The following ETNK1 variants were observed in gnomAD, a reference collection of about 807,000 sequenced individuals.
ETNK1 encodes putative protein product of Nbla10396.
Under a neutral mutation model 45.1 loss-of-function variants are expected in ETNK1, and 8 were observed. That is an observed-to-expected ratio of 0.18 (90% CI 0.10 to 0.32). ETNK1 has a LOEUF of 0.32. Ranked by LOEUF, ETNK1 falls within the 10% of genes least tolerant of loss-of-function variation. The pLI, the probability that ETNK1 is intolerant of heterozygous loss-of-function variation, is 1.00. For synonymous variants in ETNK1, 152 were observed against 151.9 expected (o/e 1.00, Z -0.01); for missense variants, 302 against 430.6 (o/e 0.70, Z 2.64).
rs933683012 is a variant in ETNK1, at chr12:22,689,418, C to G, written c.*4464C>G. On this transcript the variant is annotated 3_prime_UTR_variant, in exon 8 of 8. Coordinates refer to ENST00000266517, the MANE Select transcript of ETNK1 (RefSeq NM_018638.5). ...TCTGTATTCATTGTGAATCCTGTAG[C>G]TTTTCTAGTTAACAAAAAATCGCTT... 5.9e-5 allele frequency: 9 copies of G among 151,910 alleles called. No homozygotes were observed. The highest frequency in any genetic ancestry group is 2.2e-4 in the African/African-American group (9 of 41,416). 9.4% of individuals were successfully genotyped at this position (151,910 alleles called of 1,614,324 possible). A position where few individuals can be genotyped will look rare whatever the true frequency, so the allele number is the denominator to read the frequency against.
chr12:22,648,228 A>C (rs1006793703), intron 2 of ETNK1, among the ~76,000 whole-genome samples: 21 of 151,838 alleles, frequency 1.4e-4, no homozygotes, highest in African/African-American at 5.1e-4. Flanking sequence ...TTATCACCCA[A>C]AGTCCACAGT....
intron 1 of ETNK1, among the ~76,000 whole-genome samples, chr12:22,629,614 A>C (rs913952959): frequency 6.6e-6 from 1 of 152,192 alleles, no homozygotes; most frequent in Non-Finnish European, 1.5e-5. Context: ...TTATGTCTCC[A>C]CTAGTGTTCT....
chr12:22,632,273 TATC>T (rs970384519), intron 1 of ETNK1, among the ~76,000 whole-genome samples: 9 of 152,082 alleles, frequency 5.9e-5, no homozygotes, highest in Non-Finnish European at 1.0e-4. Flanking sequence ...ATCAATTTCC[TATC>T]ATCAATATTC....
intron 5 of ETNK1, among the ~76,000 whole-genome samples, 182 bp downstream of exon 5, chr12:22,671,537 G>A (rs1313000457): frequency 6.6e-6 from 1 of 151,976 alleles, no homozygotes; most frequent in African/African-American, 2.4e-5. Context: ...TTCCTTAATT[G>A]CTATCAGAAA....
At chr12:22,644,504 A>G (rs995682523) in intron 2 of ETNK1, 3 of 571,416 alleles carry the variant, frequency 5.3e-6, no homozygotes, top group African/African-American at 3.9e-5. Context: ...TCATTTTTCC[A>G]AAATTGCCAG....
chr12:22,658,897 G>T, intron 2 of ETNK1, 117 bp from the exon 3 acceptor site: 1 of 1,027,408 alleles, frequency 9.7e-7, no homozygotes, highest in Non-Finnish European at 1.4e-6. Flanking sequence ...AGAGAGCACA[G>T]GTAGGTCTAC....
intron 1 of ETNK1, among the ~76,000 whole-genome samples, chr12:22,635,216 T>C (rs562435880): frequency 5.9e-5 from 9 of 152,366 alleles, no homozygotes; most frequent in African/African-American, 2.2e-4. Context: ...ACACTCAGTG[T>C]GTCCTCCTTT....
At chr12:22,656,882 T>C (rs1462175301) in intron 2 of ETNK1, 28 of 859,494 alleles carry the variant, frequency 3.3e-5, no homozygotes, top group African/African-American at 1.1e-4. Flanking sequence ...AGATATAATA[T>C]TCTGTTGACA....
At chr12:22,651,850 C>T (rs73080483) in intron 2 of ETNK1, among the ~76,000 whole-genome samples, 9,939 of 151,722 alleles carry the variant, frequency 0.066, 460 homozygotes, top group South Asian at 0.14. Context: ...CTCGCCCTGC[C>T]GAGTTTTGTA....
chr12:22,671,166 C>T, intron 4 of ETNK1, 106 bp from the exon 5 acceptor site: 1 of 825,914 alleles, frequency 1.2e-6, no homozygotes, highest in Non-Finnish European at 2.1e-6. Context: ...TAATCAAGCA[C>T]GTACAATGAG....
chr12:22,656,342 C>T (rs1953940408), intron 2 of ETNK1: 1 of 929,740 alleles, frequency 1.1e-6, no homozygotes, highest in African/African-American at 1.8e-5. Context: ...CTTGAGGCAG[C>T]AAAAGTATTA....
chr12:22,630,194 A>G (rs1953556700), intron 1 of ETNK1, among the ~76,000 whole-genome samples: 1 of 152,242 alleles, frequency 6.6e-6, no homozygotes, highest in Admixed American at 6.5e-5. Context: ...CTTGGAAAGT[A>G]GTCATGAGAA....
In ETNK1 at chr12:22,643,804, C is replaced by T. The variant is rs370696559; in HGVS notation, c.198C>T (p.Tyr66=). 7.8e-5 allele frequency: 125 copies of T among 1,612,414 alleles called. No homozygotes were observed. The highest frequency in any genetic ancestry group is 1.3e-4 in the African/African-American group (10 of 74,810). The change falls in exon 2 of 8, where the codon TAC becomes TAT. Residue 66 remains tyrosine, a synonymous_variant. Transcript: ENST00000266517. ...DGITNKLIGC[Y]VGNTMEDVVL... is the part of the protein sequence containing the mutation. ...TCACAAATAAACTTATTGGCTGTTA[C>T]GTGGGAAACACCATGGAGGATGTAG...
chr12:22,662,595 G>A (rs1412552104), intron 4 of ETNK1, among the ~76,000 whole-genome samples: 2 of 151,554 alleles, frequency 1.3e-5, no homozygotes, highest in Non-Finnish European at 2.9e-5. Flanking sequence ...ATGGAATCTT[G>A]CTCTGTTGCC....
Position 22,686,344 on chromosome 12 carries a change from T to C in ETNK1, c.*1390T>C, listed in dbSNP as rs2137582072. ...TACTTAGAAAATTAGTCTGACAAGC[T>C]TTGCACTTCGGTCACATAAGTGCCC... is the stretch of plus-strand genomic sequence containing the variant. On this transcript the variant is annotated 3_prime_UTR_variant, in exon 8 of 8. Coordinates refer to ENST00000266517, the MANE Select transcript of ETNK1 (RefSeq NM_018638.5). 1 of 152,446 alleles carries C rather than the reference T, an allele frequency of 6.6e-6. No individual in the cohort carries two copies. The highest frequency in any genetic ancestry group is 1.9e-4 in the East Asian group (1 of 5,176). 9.4% of individuals were successfully genotyped at this position (152,446 alleles called of 1,614,324 possible).
chr12:22,672,882 ATTTGTGGGGTAATGAC>A (rs1954123088), intron 5 of ETNK1, among the ~76,000 whole-genome samples: 1 of 152,188 alleles, frequency 6.6e-6, no homozygotes, highest in Non-Finnish European at 1.5e-5. Flanking sequence ...ATGAAGTTAA[ATTTGTGGGGTAATGAC>A]TTTTTTGTTT....
At chr12:22,684,785 C>A in intron 7 of ETNK1, 97 bp from the exon 8 acceptor site, 1 of 1,010,964 alleles carries the variant, frequency 9.9e-7, no homozygotes, top group Non-Finnish European at 1.5e-6. Flanking sequence ...AAATCTTAAA[C>A]TTTAAGAAAA....
chr12:22,650,999 C>G (rs1953867915), intron 2 of ETNK1, among the ~76,000 whole-genome samples: 1 of 152,042 alleles, frequency 6.6e-6, no homozygotes, highest in Non-Finnish European at 1.5e-5. Context: ...CTACAGAAAA[C>G]TAGGATACAG....
chr12:22,659,547 T>C (rs922511582), intron 3 of ETNK1, among the ~76,000 whole-genome samples: 2 of 152,190 alleles, frequency 1.3e-5, no homozygotes, highest in Admixed American at 1.3e-4. Flanking sequence ...TAAATCTTAG[T>C]CCTGCTAGTT....
Sources: gnomAD v4.1 joint callset for allele counts (sites outside exome capture counted in the v4.1 genomes callset) on GRCh38, gnomAD v4.1.1 for gene constraint, MANE v1.5 for transcripts, NCBI Gene and HGNC (gene_info 2026-07-23, HGNC 2026-07-21) for gene names.